Variants in TENM2 observed in about 807,000 individuals in gnomAD.
TENM2 encodes teneurin transmembrane protein 2.
A neutral mutation model predicts 245.2 loss-of-function variants in TENM2; 52 were observed. That is an observed-to-expected ratio of 0.21 (90% confidence interval 0.17 to 0.27). The LOEUF (loss-of-function observed/expected upper bound fraction) is 0.27, where lower values mean the gene tolerates loss of function less well. Ranked by LOEUF, TENM2 falls within the 10% of genes least tolerant of loss-of-function variation. TENM2 has a pLI of 1.00. For synonymous variants in TENM2, 1,363 were observed against 1,438.9 expected (o/e 0.95, Z 1.19); for missense variants, 3,046 against 3,666.8 (o/e 0.83, Z 4.37).
chr5:168,095,206 C>G (rs1380445547), intron 8 of TENM2, among the ~76,000 whole-genome samples: 1 of 152,158 alleles, frequency 6.6e-6, no homozygotes. Flanking sequence ...CAATTGTCTT[C>G]CATGGAACCA....
the TENM2 span, among the ~76,000 whole-genome samples, chr5:167,206,165 GC>G: frequency 6.6e-6 from 1 of 152,144 alleles, no homozygotes; most frequent in African/African-American, 2.4e-5. Context: ...ATATCCAACT[GC>G]GCCATCTGGA....
chr5:167,055,810 G>T, the TENM2 span, among the ~76,000 whole-genome samples: 2 of 151,776 alleles, frequency 1.3e-5, no homozygotes, highest in South Asian at 4.2e-4. Flanking sequence ...AATATTTTTG[G>T]GTAGATTATT....
intron 3 of TENM2, among the ~76,000 whole-genome samples, chr5:167,925,070 G>T (rs248141): frequency 6.6e-6 from 1 of 152,108 alleles, no homozygotes; most frequent in Non-Finnish European, 1.5e-5. Flanking sequence ...AGATTTATGC[G>T]TGAATGTTCA....
the TENM2 span, among the ~76,000 whole-genome samples, chr5:167,226,322 C>G: frequency 6.6e-6 from 1 of 151,904 alleles, no homozygotes; most frequent in African/African-American, 2.4e-5. Context: ...TTGCCCTAAC[C>G]CACAGATTTT....
intron 3 of TENM2, among the ~76,000 whole-genome samples, chr5:167,897,363 A>G (rs1387785272): frequency 1.3e-5 from 2 of 152,170 alleles, no homozygotes; most frequent in African/African-American, 2.4e-5. Flanking sequence ...CTCACAATCA[A>G]GACAGCCCTG....
chr5:167,124,461 G>T, the TENM2 span, among the ~76,000 whole-genome samples: 1 of 152,084 alleles, frequency 6.6e-6, no homozygotes, highest in South Asian at 2.1e-4. Context: ...ATAAAACCTT[G>T]CCCATTGTAG....
chr5:168,245,922 C>A (rs934394513), intron 26 of TENM2, among the ~76,000 whole-genome samples: 1 of 152,082 alleles, frequency 6.6e-6, no homozygotes, highest in Non-Finnish European at 1.5e-5. Context: ...GTTATTTCAT[C>A]TTTGCAGTAG....
chr5:167,232,375 C>CT, the TENM2 span, among the ~76,000 whole-genome samples: 387 of 140,870 alleles, frequency 2.7e-3, no homozygotes, highest in Non-Finnish European at 3.8e-3. Flanking sequence ...TCTTTTCTTT[C>CT]TTTTTTTTTT....
chr5:168,190,736 C>T, intron 14 of TENM2, 189 bp downstream of exon 16: 2 of 536,512 alleles, frequency 3.7e-6, no homozygotes, highest in Non-Finnish European at 6.6e-6. Context: ...GAACAGAGCC[C>T]TAGTGTCTTT....
intron 2 of TENM2, among the ~76,000 whole-genome samples, chr5:167,830,142 T>C (rs2151087839): frequency 6.6e-6 from 1 of 152,310 alleles, no homozygotes; most frequent in South Asian, 2.1e-4. Context: ...TTTAAGAATG[T>C]CTATCATCAG....
At chr5:167,889,669 G>C (rs1390616987) in intron 3 of TENM2, among the ~76,000 whole-genome samples, 1 of 151,966 alleles carries the variant, frequency 6.6e-6, no homozygotes, top group Non-Finnish European at 1.5e-5. Context: ...TTACCAGTTT[G>C]TGACTCTCCC....
At chr5:167,450,967 A>G (rs2127474564) in intron 2 of TENM2, among the ~76,000 whole-genome samples, 1 of 152,280 alleles carries the variant, frequency 6.6e-6, no homozygotes, top group East Asian at 1.9e-4. Context: ...AAGACTGTAC[A>G]GTCTCTTATT....
intron 2 of TENM2, among the ~76,000 whole-genome samples, chr5:167,526,440 A>T (rs1191600792): frequency 6.6e-6 from 1 of 151,710 alleles, no homozygotes; most frequent in Non-Finnish European, 1.5e-5. Flanking sequence ...ACAGTGGGGT[A>T]ATGAGAATAC....
At chr5:167,256,584 T>G in the TENM2 span, among the ~76,000 whole-genome samples, 2 of 152,134 alleles carry the variant, frequency 1.3e-5, no homozygotes, top group African/African-American at 4.8e-5. Flanking sequence ...GGAAAGACCA[T>G]TAGTAAAGCA....
chr5:167,081,044 T>G, the TENM2 span, among the ~76,000 whole-genome samples: 2 of 151,982 alleles, frequency 1.3e-5, no homozygotes, highest in African/African-American at 4.8e-5. Flanking sequence ...TGATACATTC[T>G]AATCAAATTG....
At chr5:167,250,938 G>A in the TENM2 span, among the ~76,000 whole-genome samples, 1 of 152,088 alleles carries the variant, frequency 6.6e-6, no homozygotes, top group African/African-American at 2.4e-5. Flanking sequence ...TGATTGGATG[G>A]TGTTGGTTTT....
chr5:167,462,281 T>G (rs1766363837), intron 2 of TENM2, among the ~76,000 whole-genome samples: 1 of 141,388 alleles, frequency 7.1e-6, no homozygotes, highest in South Asian at 2.3e-4. Flanking sequence ...TGCAGACAGG[T>G]AGGTGCAGGA....
chr5:167,620,757 T>C lies in TENM2; in HGVS notation c.502+245284T>C, dbSNP rs895019272. 3.3e-5 allele frequency among the ~76,000 whole-genome samples: 5 copies of C among 152,212 alleles called. No individual in the cohort carries two copies. In the East Asian group the frequency reaches 9.7e-4, roughly 29 times the overall value. On this transcript the variant is annotated intron_variant, in intron 2 of 28. Coordinates refer to ENST00000518659, the Ensembl canonical transcript of TENM2. Reference sequence around the variant, plus strand: ...GGAGGAGAAATGTTTTGACTCATCTTTGATTTTGAAAGAGGTTTAGAGCTC... The same window carrying C: ...GGAGGAGAAATGTTTTGACTCATCTCTGATTTTGAAAGAGGTTTAGAGCTC...
At chr5:167,674,681 G>A (rs907552390) in intron 2 of TENM2, among the ~76,000 whole-genome samples, 3 of 152,092 alleles carry the variant, frequency 2.0e-5, no homozygotes, top group African/African-American at 7.2e-5. Flanking sequence ...CCCTCTTGGG[G>A]TGGATCAAGT....
Sources: allele counts gnomAD v4.1 joint callset (sites outside exome capture counted in the v4.1 genomes callset), GRCh38; gene constraint gnomAD v4.1.1; transcripts MANE v1.5; gene names NCBI Gene and HGNC (gene_info 2026-07-23, HGNC 2026-07-21).